TRIM4: variants seen among roughly 807,000 people sequenced by gnomAD.
TRIM4 encodes E3 ubiquitin-protein ligase TRIM4.
Under a neutral mutation model 33.7 loss-of-function variants are expected in TRIM4, and 29 were observed. The observed-to-expected ratio is 0.86, with a 90% CI of 0.64 to 1.17. The LOEUF (loss-of-function observed/expected upper bound fraction) is 1.17, where lower values mean the gene tolerates loss of function less well. TRIM4 is among the 50% of genes most tolerant of loss of function. TRIM4 has a pLI of 0.00. For synonymous variants in TRIM4, 224 were observed against 233.0 expected (o/e 0.96, Z 0.35); for missense variants, 554 against 593.7 (o/e 0.93, Z 0.69).
At chr7:99,909,300 G>C (rs971330158) in intron 2 of TRIM4, among the ~76,000 whole-genome samples, 1 of 152,036 alleles carries the variant, frequency 6.6e-6, no homozygotes, top group Non-Finnish European at 1.5e-5. Flanking sequence ...TGAAGTATGC[G>C]GAACTCATTA....
intron 1 of TRIM4, chr7:99,916,925 C>T: frequency 1.5e-6 from 1 of 649,238 alleles, no homozygotes; most frequent in East Asian, 2.6e-5. Flanking sequence ...AAGCTCATGG[C>T]CCACCATCCT....
At chr7:99,916,350 T>C (rs944170753) in intron 1 of TRIM4, among the ~76,000 whole-genome samples, 1 of 152,212 alleles carries the variant, frequency 6.6e-6, no homozygotes, top group Non-Finnish European at 1.5e-5. Flanking sequence ...ACTTCTTCCA[T>C]GACTTCAAGA....
intron 1 of TRIM4, chr7:99,917,726 A>C: frequency 1.2e-6 from 1 of 828,326 alleles, no homozygotes; most frequent in Non-Finnish European, 1.5e-6. Context: ...TCTCAAAAAC[A>C]ATAATAATAA....
At chr7:99,918,566 GAA>G (rs59409421) in intron 1 of TRIM4, among the ~76,000 whole-genome samples, 1 of 137,190 alleles carries the variant, frequency 7.3e-6, no homozygotes, top group African/African-American at 2.6e-5. Flanking sequence ...CTCCATCTCA[GAA>G]AAAAAAAAAA....
chr7:99,892,021 G>C lies in TRIM4; in HGVS notation c.*142C>G, dbSNP rs1350626171. On this transcript the variant is annotated 3_prime_UTR_variant, in exon 6 of 6. Transcript: ENST00000349062. Reference sequence around the variant, plus strand: ...ACTGCCTCTTGTGAAGCACACAAAGGGCAGATACCAAACGGTACCGTTAGG... The same window carrying C: ...ACTGCCTCTTGTGAAGCACACAAAGCGCAGATACCAAACGGTACCGTTAGG... The C allele has an allele frequency of 1.4e-6, 1 of 737,496 alleles. No homozygotes were observed. Among genetic ancestry groups the C allele is most frequent in the African/African-American group, 1.8e-5 (1 of 56,362 alleles). 45.7% of individuals were successfully genotyped at this position (737,496 alleles called of 1,614,324 possible).
Position 99,908,576 on chromosome 7 carries a change from T to C in TRIM4, c.720+6A>G, listed in dbSNP as rs1360172227. On this transcript the variant is annotated splice_donor_region_variant and intron_variant, in intron 3 of 5. Coordinates refer to ENST00000349062, the MANE Select transcript of TRIM4 (RefSeq NM_033091.3). Reference sequence around the variant, plus strand: ...ATGAGATCACCCCCACTCGTAACTGTCTCACCTGAAGCAGCTCCAGGGTGG... The same window carrying C: ...ATGAGATCACCCCCACTCGTAACTGCCTCACCTGAAGCAGCTCCAGGGTGG... 6.2e-7 allele frequency: 1 copy of C among 1,604,816 alleles called. No individual in the cohort carries two copies. Among genetic ancestry groups the C allele is most frequent in the Admixed American group, 1.7e-5 (1 of 59,118 alleles).
intron 3 of TRIM4, among the ~76,000 whole-genome samples, chr7:99,906,820 T>C (rs912298752): frequency 3.3e-5 from 5 of 152,264 alleles, no homozygotes; most frequent in African/African-American, 1.2e-4. Context: ...CACTCCAGTC[T>C]GGGTAACAAA....
chr7:99,900,615 T>C (rs1819141568), intron 5 of TRIM4, among the ~76,000 whole-genome samples: 1 of 152,240 alleles, frequency 6.6e-6, no homozygotes, highest in Non-Finnish European at 1.5e-5. Context: ...CCTTTAAGAC[T>C]TCCTTTCTTG....
At chr7:99,899,824 G>A (rs1357311424) in intron 5 of TRIM4, among the ~76,000 whole-genome samples, 22 of 152,064 alleles carry the variant, frequency 1.4e-4, no homozygotes, top group Admixed American at 1.2e-3. Flanking sequence ...ATGGGGTCTC[G>A]CTGTTGCCCA....
chr7:99,901,669 T>C (rs1819170888), intron 5 of TRIM4: 1 of 155,654 alleles, frequency 6.4e-6, no homozygotes, highest in Non-Finnish European at 1.4e-5. Context: ...AGTACGCTAC[T>C]CAGTGCCCGT....
At chr7:99,902,487 TC>T (rs1404002914) in intron 5 of TRIM4, among the ~76,000 whole-genome samples, 1 of 152,124 alleles carries the variant, frequency 6.6e-6, no homozygotes, top group Non-Finnish European at 1.5e-5. Flanking sequence ...CCTCAAATGA[TC>T]CGCCTGCCTC....
intron 3 of TRIM4, among the ~76,000 whole-genome samples, chr7:99,908,017 T>A (rs1375119878): frequency 6.6e-6 from 1 of 152,130 alleles, no homozygotes; most frequent in Non-Finnish European, 1.5e-5. Context: ...AAAGATTAAC[T>A]CAAAGGAGGG....
rs1819390359 is a variant in TRIM4, at chr7:99,909,642, G to C, written c.412C>G (p.Gln138Glu). The change falls in exon 2 of 6, where the codon CAG becomes GAG. Residue 138 changes from glutamine (Q) to glutamate (E), a missense_variant. Gln to Glu is a conservative substitution (Grantham distance 29, BLOSUM62 2). This residue lies in a region of TRIM4 where 233 missense variants were observed against 203.1 expected (regional missense o/e 1.15). Transcript: ENST00000349062. Reference sequence around the variant, plus strand: ...TTCATCTTGGCCACGAGATTACGCTGAGACTTAAGAAGTTTCTCCTGCCAG... The same window carrying C: ...TTCATCTTGGCCACGAGATTACGCTCAGACTTAAGAAGTTTCTCCTGCCAG... ...ESYREKLLKS[Q>E]RNLVAKMKKV... is the part of the protein sequence containing the mutation. 3.1e-6 allele frequency: 5 copies of C among 1,613,008 alleles called. No individual in the cohort carries two copies. The highest frequency in any genetic ancestry group is 4.2e-6 in the Non-Finnish European group (5 of 1,179,822).
chr7:99,896,319 T>A (rs1411322117), intron 5 of TRIM4, among the ~76,000 whole-genome samples: 1 of 152,156 alleles, frequency 6.6e-6, no homozygotes, highest in East Asian at 1.9e-4. Context: ...AGAGATCTGC[T>A]CCTTTTCTAG....
chr7:99,903,623 C>T, intron 3 of TRIM4, 25 bp from the exon 4 acceptor site: 1 of 1,614,144 alleles, frequency 6.2e-7, no homozygotes, highest in African/African-American at 1.3e-5. Flanking sequence ...AAGACATAAG[C>T]AAATTACGAA....
chr7:99,909,058 A>C (rs1819373925), intron 2 of TRIM4, among the ~76,000 whole-genome samples: 1 of 152,064 alleles, frequency 6.6e-6, no homozygotes, highest in Non-Finnish European at 1.5e-5. Flanking sequence ...TTTAAACTAA[A>C]ACAAACTTTC....
At chr7:99,909,147 T>A (rs1191799742) in intron 2 of TRIM4, among the ~76,000 whole-genome samples, 1 of 151,678 alleles carries the variant, frequency 6.6e-6, no homozygotes, top group Non-Finnish European at 1.5e-5. Flanking sequence ...TGTGTGTGTG[T>A]GTGTGTGTGT....
At chr7:99,903,762 G>A (rs970811506) in intron 3 of TRIM4, among the ~76,000 whole-genome samples, 164 bp from the exon 4 acceptor site, 9 of 152,096 alleles carry the variant, frequency 5.9e-5, no homozygotes, top group Non-Finnish European at 8.8e-5. Flanking sequence ...TTTCTTTCAC[G>A]TGGCCCCTCT....
intron 1 of TRIM4, among the ~76,000 whole-genome samples, chr7:99,915,225 A>G (rs1241233986): frequency 1.3e-5 from 2 of 152,166 alleles, no homozygotes; most frequent in East Asian, 1.9e-4. Context: ...TGTGAGCTCC[A>G]TGGAAAGCCT....
Sources: allele counts gnomAD v4.1 joint callset (sites outside exome capture counted in the v4.1 genomes callset), GRCh38; gene constraint gnomAD v4.1.1; regional missense constraint gnomAD v4.1.1; transcripts MANE v1.5; gene names NCBI Gene and HGNC (gene_info 2026-07-23, HGNC 2026-07-21).